Variants in EYS observed in about 807,000 individuals in gnomAD.
EYS encodes EGF-like photoreceptor maintenance factor, also known as protein eyes shut homolog.
In EYS, 250 loss-of-function variants were observed where a neutral mutation model predicts 282.1. That is an observed-to-expected ratio of 0.89 (90% CI 0.80 to 0.98). The LOEUF is 0.98. Among genes scored for constraint, EYS ranks in the 50% least tolerant of loss-of-function variants. The pLI, the probability that EYS is intolerant of heterozygous loss-of-function variation, is 0.00. For missense variants in EYS, 4,016 were observed against 3,709.0 expected, an observed-to-expected ratio of 1.08 and a Z score of -2.15; for synonymous variants, 1,355 against 1,282.9, an observed-to-expected ratio of 1.06 and a Z score of -1.20.
intron 12 of EYS, among the ~76,000 whole-genome samples, chr6:65,259,833 G>T (rs1307340723): frequency 6.6e-6 from 1 of 151,974 alleles, no homozygotes; most frequent in African/African-American, 2.4e-5. Flanking sequence ...AAATGACTAA[G>T]ACCCAGGATA....
chr6:65,281,027 T>G (rs1266640024), intron 12 of EYS, among the ~76,000 whole-genome samples: 2 of 97,660 alleles, frequency 2.0e-5, no homozygotes, highest in African/African-American at 3.3e-5. Flanking sequence ...CAGAGTGAGA[T>G]GCCATCTCAA....
chr6:64,941,214 C>G (rs182931783), intron 15 of EYS, among the ~76,000 whole-genome samples: 11 of 152,012 alleles, frequency 7.2e-5, no homozygotes, highest in Non-Finnish European at 1.6e-4. Context: ...AACTCCATCT[C>G]TACTACAAAT....
intron 35 of EYS, among the ~76,000 whole-genome samples, chr6:63,919,832 C>A (rs1385051131): frequency 6.6e-6 from 1 of 152,226 alleles, no homozygotes; most frequent in Non-Finnish European, 1.5e-5. Context: ...TTGTGTGCTG[C>A]AGCAGCAGTT....
chr6:64,977,550 T>C (rs74433154), intron 14 of EYS, among the ~76,000 whole-genome samples: 6,302 of 151,790 alleles, frequency 0.042, 146 homozygotes, highest in South Asian at 0.087. Flanking sequence ...GAGTTGCACA[T>C]GTCTCACTTT....
At chr6:64,802,420 T>C (rs1292847027) in intron 22 of EYS, among the ~76,000 whole-genome samples, 1 of 152,184 alleles carries the variant, frequency 6.6e-6, no homozygotes, top group Non-Finnish European at 1.5e-5. Flanking sequence ...TAATTCTTTA[T>C]GTTCCAGTAC....
rs770325723 is a variant in EYS, at chr6:64,912,536, G to A, written c.2589C>T (p.Asn863=). 3.9e-6 allele frequency: 6 copies of A among 1,551,290 alleles called. No individual in the cohort carries two copies. In the South Asian group the frequency reaches 5.9e-5, roughly 15 times the overall value. ...CGTCTACCAAAGCTAAGCATGTTGA[G>A]TTGTTTCTGCAAGGGTTATGAAGTA... ...CDLLHNPCRN[N]STCLALVDAN... is the part of the protein sequence containing the mutation. Residue 863 remains asparagine, a synonymous_variant, in exon 16 of 43, where the codon AAC becomes AAT. Coordinates refer to ENST00000503581, the MANE Select transcript of EYS (RefSeq NM_001142800.2).
In EYS at chr6:64,048,538, C is replaced by A. The variant is rs558337034; in HGVS notation, c.6725+17800G>T. ...CATGGGAAAGGAGGGATTCAAATGGCCCCAGTACAAACATGGCATCTAACT... is the reference window on the plus strand; with the variant it reads ...CATGGGAAAGGAGGGATTCAAATGGACCCAGTACAAACATGGCATCTAACT... On this transcript the variant is annotated intron_variant, in intron 33 of 42. Transcript: ENST00000503581. Among the ~76,000 whole-genome samples the A allele has an allele frequency of 2.0e-5, 3 of 152,118 alleles. No homozygotes were observed. The South Asian group carries it at 6.3e-4, about 32-fold the overall frequency.
chr6:64,350,909 C>T (rs750949552), intron 29 of EYS, among the ~76,000 whole-genome samples: 7 of 151,522 alleles, frequency 4.6e-5, no homozygotes, highest in East Asian at 2.0e-4. Flanking sequence ...TGAGTTCTCA[C>T]GGTATCTGAT....
chr6:64,676,263 G>T (rs1487721309), intron 22 of EYS, among the ~76,000 whole-genome samples: 2 of 147,334 alleles, frequency 1.4e-5, no homozygotes, highest in Non-Finnish European at 1.5e-5. Flanking sequence ...AATTCCATAT[G>T]CAGTGGTACC....
chr6:64,089,618 T>C (rs1323380404), intron 31 of EYS, among the ~76,000 whole-genome samples: 1 of 151,914 alleles, frequency 6.6e-6, no homozygotes, highest in African/African-American at 2.4e-5. Context: ...TTGAGTTTCA[T>C]AGACTAAATT....
chr6:64,783,400 C>T (rs1234828333), intron 22 of EYS, among the ~76,000 whole-genome samples: 7 of 151,372 alleles, frequency 4.6e-5, no homozygotes, highest in South Asian at 2.1e-4. Context: ...CAGTACTATC[C>T]GTGGATTCAG....
intron 35 of EYS, among the ~76,000 whole-genome samples, chr6:63,881,384 A>G (rs575944207): frequency 1.1e-4 from 16 of 152,342 alleles, no homozygotes; most frequent in Non-Finnish European, 2.1e-4. Flanking sequence ...GAGAGAGGTT[A>G]TGGCATGGAG....
At chr6:65,606,085 G>A (rs181713441) in intron 2 of EYS, among the ~76,000 whole-genome samples, 96 of 151,428 alleles carry the variant, frequency 6.3e-4, no homozygotes, top group South Asian at 4.2e-3. Context: ...ACCAATAGTC[G>A]CAAATTTTTA....
chr6:64,753,655 C>A (rs1772837961), intron 22 of EYS, among the ~76,000 whole-genome samples: 1 of 151,474 alleles, frequency 6.6e-6, no homozygotes, highest in South Asian at 2.1e-4. Context: ...GACAGCAATA[C>A]AATACTACTG....
chr6:64,783,453 C>T (rs1583154111), intron 22 of EYS, among the ~76,000 whole-genome samples: 1 of 151,902 alleles, frequency 6.6e-6, no homozygotes, highest in South Asian at 2.1e-4. Context: ...GGCGGAACTA[C>T]TCTACTGCAA....
At chr6:65,294,042 G>A (rs1165744660) in intron 12 of EYS, among the ~76,000 whole-genome samples, 1 of 151,706 alleles carries the variant, frequency 6.6e-6, no homozygotes, top group Non-Finnish European at 1.5e-5. Flanking sequence ...AAGGGAGAAA[G>A]GGAAGGAGGA....
At chr6:64,940,347 T>C (rs370058528) in intron 15 of EYS, among the ~76,000 whole-genome samples, 9 of 152,018 alleles carry the variant, frequency 5.9e-5, no homozygotes, top group Admixed American at 1.3e-4. Context: ...GAAACGCATA[T>C]ACAAGTTATC....
intron 33 of EYS, among the ~76,000 whole-genome samples, chr6:64,014,492 T>C (rs977341000): frequency 3.3e-5 from 5 of 152,164 alleles, no homozygotes; most frequent in African/African-American, 1.2e-4. Context: ...AATGTTAAGA[T>C]ATTTATACTG....
At chr6:63,993,293 A>C (rs1767687093) in intron 34 of EYS, among the ~76,000 whole-genome samples, 1 of 151,800 alleles carries the variant, frequency 6.6e-6, no homozygotes, top group Non-Finnish European at 1.5e-5. Context: ...ATAGTACTGG[A>C]AGTCCTGGCT....
Sources: allele counts gnomAD v4.1 joint callset (sites outside exome capture counted in the v4.1 genomes callset), GRCh38; gene constraint gnomAD v4.1.1; transcripts MANE v1.5; gene names NCBI Gene and HGNC (gene_info 2026-07-23, HGNC 2026-07-21).